Variants in SLC35F3 observed in about 807,000 individuals in gnomAD.
The protein encoded by SLC35F3 is putative thiamine transporter SLC35F3.
A neutral mutation model predicts 49.9 loss-of-function variants in SLC35F3; 25 were observed. The observed-to-expected ratio is 0.50, with a 90% CI of 0.37 to 0.70. The LOEUF is 0.70. Among genes scored for constraint, SLC35F3 ranks in the 30% least tolerant of loss-of-function variants. SLC35F3 has a pLI of 0.00. For synonymous variants in SLC35F3, 275 were observed against 265.4 expected, an observed-to-expected ratio of 1.04 and a Z score of -0.35; for missense variants, 525 against 639.8, an observed-to-expected ratio of 0.82 and a Z score of 1.94.
chr1:234,069,446 G>T (rs1664681424), intron 2 of SLC35F3, among the ~76,000 whole-genome samples: 1 of 151,682 alleles, frequency 6.6e-6, no homozygotes, highest in East Asian at 1.9e-4. Flanking sequence ...CAGTAGAGAC[G>T]GAGTTTCACC....
chr1:233,989,558 T>C (rs530764794), intron 2 of SLC35F3, among the ~76,000 whole-genome samples: 1 of 152,194 alleles, frequency 6.6e-6, no homozygotes, highest in Admixed American at 6.5e-5. Flanking sequence ...AGTGAGAAAA[T>C]AACGTATTTT....
chr1:233,947,673 A>T (rs1049946689), intron 2 of SLC35F3, among the ~76,000 whole-genome samples: 1 of 148,522 alleles, frequency 6.7e-6, no homozygotes, highest in East Asian at 2.1e-4. Context: ...TGCACCTCAT[A>T]TGGGAACCAG....
intron 2 of SLC35F3, among the ~76,000 whole-genome samples, chr1:233,958,181 G>T (rs530593418): frequency 4.6e-5 from 7 of 152,216 alleles, no homozygotes; most frequent in South Asian, 2.1e-4. Flanking sequence ...CTAATTTTTT[G>T]ATTATGATGA....
intron 2 of SLC35F3, among the ~76,000 whole-genome samples, chr1:234,081,936 T>TTTTA (rs1206793825): frequency 3.0e-5 from 4 of 131,796 alleles, no homozygotes; most frequent in South Asian, 2.4e-4. Context: ...TTTTTTTTTT[T>TTTTA]AGTAGAGACA....
At chr1:234,250,831 T>C (rs1259288249) in intron 3 of SLC35F3, among the ~76,000 whole-genome samples, 1 of 152,132 alleles carries the variant, frequency 6.6e-6, no homozygotes, top group Non-Finnish European at 1.5e-5. Flanking sequence ...ACCACACTCT[T>C]TTTAACAATT....
chr1:234,180,902 T>A (rs910096913), intron 2 of SLC35F3, among the ~76,000 whole-genome samples: 1 of 152,204 alleles, frequency 6.6e-6, no homozygotes, highest in Non-Finnish European at 1.5e-5. Context: ...CATGTATCCA[T>A]CACCCAGTTT....
At chr1:234,121,063 A>G (rs1665563311) in intron 2 of SLC35F3, among the ~76,000 whole-genome samples, 1 of 152,056 alleles carries the variant, frequency 6.6e-6, no homozygotes, top group South Asian at 2.1e-4. Context: ...ATAGAAAAAA[A>G]TAGCCCATGA....
chr1:233,966,924 A>G (rs1662914381), intron 2 of SLC35F3, among the ~76,000 whole-genome samples: 2 of 152,142 alleles, frequency 1.3e-5, no homozygotes, highest in Non-Finnish European at 2.9e-5. Context: ...CCTGTGTGAG[A>G]TATTACTGGT....
At chr1:234,135,683 G>A (rs960582243) in intron 2 of SLC35F3, among the ~76,000 whole-genome samples, 3 of 152,242 alleles carry the variant, frequency 2.0e-5, no homozygotes, top group Non-Finnish European at 2.9e-5. Flanking sequence ...CAGGAAGCTC[G>A]TTAGAGGCTC....
intron 3 of SLC35F3, among the ~76,000 whole-genome samples, chr1:234,291,694 G>A (rs1190728538): frequency 6.6e-6 from 1 of 152,184 alleles, no homozygotes; most frequent in African/African-American, 2.4e-5. Flanking sequence ...CTCCCAAAGT[G>A]CTGGGATTAC....
At chr1:234,164,832 T>A (rs1313462325) in intron 2 of SLC35F3, among the ~76,000 whole-genome samples, 2 of 117,202 alleles carry the variant, frequency 1.7e-5, no homozygotes, top group Non-Finnish European at 3.2e-5. Flanking sequence ...AATGATACTG[T>A]GATTTGGGTG....
chr1:234,084,935 G>A (rs1664939746), intron 2 of SLC35F3, among the ~76,000 whole-genome samples: 2 of 152,346 alleles, frequency 1.3e-5, no homozygotes, highest in African/African-American at 4.8e-5. Flanking sequence ...TAAATCCCAT[G>A]TGGAAGTGGA....
intron 2 of SLC35F3, among the ~76,000 whole-genome samples, chr1:234,151,150 G>A (rs1007761323): frequency 2.6e-5 from 4 of 152,008 alleles, no homozygotes; most frequent in African/African-American, 7.3e-5. Flanking sequence ...AATTGAGCAG[G>A]ATGGGGACAA....
intron 2 of SLC35F3, among the ~76,000 whole-genome samples, chr1:234,139,027 CTA>C (rs1665849400): frequency 6.6e-6 from 1 of 152,150 alleles, no homozygotes; most frequent in Middle Eastern, 3.2e-3. Context: ...TTGGTAGTGA[CTA>C]TTTGTACAGT....
intron 2 of SLC35F3, among the ~76,000 whole-genome samples, chr1:234,173,845 T>C (rs1228265122): frequency 1.3e-5 from 2 of 152,342 alleles, no homozygotes; most frequent in East Asian, 3.9e-4. Flanking sequence ...CAGCCTCTGC[T>C]GAGGACAAGA....
chr1:234,298,560 G>C (rs1467277914), intron 3 of SLC35F3, among the ~76,000 whole-genome samples: 2 of 152,190 alleles, frequency 1.3e-5, no homozygotes. Flanking sequence ...TTCAGAGATC[G>C]TGATCTACCT....
At chr1:233,928,413 T>A (rs1397178806) in intron 2 of SLC35F3, among the ~76,000 whole-genome samples, 1 of 152,176 alleles carries the variant, frequency 6.6e-6, no homozygotes, top group East Asian at 1.9e-4. Flanking sequence ...AACCTAAATC[T>A]ACTGAGAGAG....
At chr1:234,171,792 T>C (rs558248587) in intron 2 of SLC35F3, among the ~76,000 whole-genome samples, 14 of 152,196 alleles carry the variant, frequency 9.2e-5, no homozygotes, top group Non-Finnish European at 1.8e-4. Flanking sequence ...GAATAATATA[T>C]AGTTGCAAAG....
intron 2 of SLC35F3, among the ~76,000 whole-genome samples, chr1:234,029,960 T>C (rs1664034746): frequency 6.6e-6 from 1 of 152,226 alleles, no homozygotes; most frequent in Non-Finnish European, 1.5e-5. Flanking sequence ...GAATTAGTTT[T>C]TCTGCCATGC....
Sources: allele counts gnomAD v4.1 joint callset (sites outside exome capture counted in the v4.1 genomes callset), GRCh38; gene constraint gnomAD v4.1.1; transcripts MANE v1.5; gene names NCBI Gene and HGNC (gene_info 2026-07-23, HGNC 2026-07-21).